The following SETD2 variants were observed in gnomAD, a reference collection of about 807,000 sequenced individuals.
SETD2 encodes the protein histone-lysine N-methyltransferase SETD2.
SETD2 carries 31 observed loss-of-function variants against 242.1 expected under a neutral mutation model. The observed-to-expected ratio is 0.13, with a 90% CI of 0.10 to 0.17. The LOEUF is 0.17. Among genes scored for constraint, SETD2 ranks in the 10% least tolerant of loss-of-function variants. The probability of loss-of-function intolerance (pLI) is 1.00; values close to 1 mark genes in which losing one functional copy is unlikely to be tolerated. For missense variants in SETD2, 2,481 were observed against 3,046.3 expected (o/e 0.81, Z 4.37); for synonymous variants, 1,006 against 1,066.5 (o/e 0.94, Z 1.11).
chr3:47,023,577 A>G (rs2038336939), intron 18 of SETD2, among the ~76,000 whole-genome samples: 1 of 152,208 alleles, frequency 6.6e-6, no homozygotes, highest in African/African-American at 2.4e-5. Flanking sequence ...TCAATTTTTA[A>G]AAGGTTAAGA....
At chr3:47,019,233 G>C (rs1027148232) in intron 19 of SETD2, among the ~76,000 whole-genome samples, 1 of 152,228 alleles carries the variant, frequency 6.6e-6, no homozygotes, top group Non-Finnish European at 1.5e-5. Context: ...CTTTGAGCCA[G>C]AACGCCTGAG....
At chr3:47,117,844 G>A (rs1256844092) in intron 3 of SETD2, among the ~76,000 whole-genome samples, 1 of 152,124 alleles carries the variant, frequency 6.6e-6, no homozygotes, top group Non-Finnish European at 1.5e-5. Context: ...ATTATTTATT[G>A]GCCTTTTTGC....
At chr3:47,141,857 A>G (rs2043737258) in intron 1 of SETD2, among the ~76,000 whole-genome samples, 1 of 152,090 alleles carries the variant, frequency 6.6e-6, no homozygotes, top group Non-Finnish European at 1.5e-5. Context: ...TTTGGTAAAG[A>G]GTTTAAGCAT....
At chr3:47,073,007 G>T (rs1414157422) in intron 12 of SETD2, among the ~76,000 whole-genome samples, 2 of 151,472 alleles carry the variant, frequency 1.3e-5, no homozygotes, top group African/African-American at 4.9e-5. Flanking sequence ...AAAATTACCT[G>T]GGCATGGCAG....
At chr3:47,029,287 G>A (rs1351360670) in intron 18 of SETD2, among the ~76,000 whole-genome samples, 1 of 150,974 alleles carries the variant, frequency 6.6e-6, no homozygotes, top group Non-Finnish European at 1.5e-5. Context: ...CAAACTCCTG[G>A]GCTTGAGGGA....
chr3:47,160,926 T>C (rs113909885), intron 1 of SETD2, among the ~76,000 whole-genome samples: 1,536 of 152,322 alleles, frequency 0.01, 16 homozygotes, highest in Non-Finnish European at 0.014. Flanking sequence ...ATGTCCTCTA[T>C]GCTGCTGAAT....
Position 47,016,961 on chromosome 3 carries a change from G to T in SETD2, c.*132C>A. Reference sequence around the variant, plus strand: ...TGTGGCCTTCAGTTGACATCTGCAGGGTTGAATTCCCCAGGGTGATGTATC... The same window carrying T: ...TGTGGCCTTCAGTTGACATCTGCAGTGTTGAATTCCCCAGGGTGATGTATC... On this transcript the variant is annotated 3_prime_UTR_variant, in exon 21 of 21. Transcript: ENST00000409792. 1.2e-6 allele frequency: 1 copy of T among 857,198 alleles called. No individual in the cohort carries two copies. Among genetic ancestry groups the T allele is most frequent in the Non-Finnish European group, 1.8e-6 (1 of 541,306 alleles). The allele number at this position is 857,198 out of a possible 1,614,324, so 53.1% of individuals were successfully genotyped here. A position where few individuals can be genotyped will look rare whatever the true frequency, so the allele number is the denominator to read the frequency against.
chr3:47,153,938 T>G (rs556413682), intron 1 of SETD2, among the ~76,000 whole-genome samples: 5 of 152,086 alleles, frequency 3.3e-5, no homozygotes, highest in Non-Finnish European at 7.4e-5. Flanking sequence ...AACACCATCA[T>G]AACCAGAAAA....
At chr3:47,082,051 T>C (rs2041337573) in intron 12 of SETD2, among the ~76,000 whole-genome samples, 1 of 152,160 alleles carries the variant, frequency 6.6e-6, no homozygotes, top group Admixed American at 6.5e-5. Context: ...AGAAATAATT[T>C]TGTAGGACTC....
intron 5 of SETD2, among the ~76,000 whole-genome samples, chr3:47,110,697 T>C (rs1482570191): frequency 6.6e-6 from 1 of 152,120 alleles, no homozygotes; most frequent in Non-Finnish European, 1.5e-5. Flanking sequence ...GTTTATGAAA[T>C]TCATAAACTA....
At chr3:47,101,585 T>C (rs762295122) in intron 7 of SETD2, 30 bp from the exon 8 acceptor site, 7 of 1,256,470 alleles carry the variant, frequency 5.6e-6, no homozygotes, top group Admixed American at 1.7e-5. Context: ...CAAAAGAAAT[T>C]AGTAACTTAT....
chr3:47,143,394 T>C (rs2043780626), intron 1 of SETD2, among the ~76,000 whole-genome samples: 1 of 152,204 alleles, frequency 6.6e-6, no homozygotes, highest in African/African-American at 2.4e-5. Context: ...ATTCCAAATA[T>C]TTAAATCCAC....
intron 1 of SETD2, among the ~76,000 whole-genome samples, chr3:47,155,584 G>C (rs1023321334): frequency 3.9e-5 from 6 of 152,164 alleles, no homozygotes; most frequent in African/African-American, 1.4e-4. Context: ...AGACTGAGGT[G>C]GGTGGATCAC....
chr3:47,089,188 G>A (rs541359138), intron 9 of SETD2, among the ~76,000 whole-genome samples: 15 of 152,320 alleles, frequency 9.8e-5, no homozygotes, highest in African/African-American at 3.4e-4. Flanking sequence ...GCTCACACTT[G>A]TAATCTCAGC....
At chr3:47,160,115 C>T (rs1182905336) in intron 1 of SETD2, among the ~76,000 whole-genome samples, 1 of 152,058 alleles carries the variant, frequency 6.6e-6, no homozygotes, top group East Asian at 1.9e-4. Context: ...TATTGAAATG[C>T]CTTCACCCCA....
intron 5 of SETD2, among the ~76,000 whole-genome samples, chr3:47,113,550 G>T (rs2042738205): frequency 6.6e-6 from 1 of 151,996 alleles, no homozygotes. Context: ...AAAATGAAGT[G>T]AAGCCCAGGC....
At chr3:47,107,728 G>GT (rs2042488042) in intron 5 of SETD2, among the ~76,000 whole-genome samples, 3 of 18,396 alleles carry the variant, frequency 1.6e-4, no homozygotes, top group African/African-American at 3.2e-4. Flanking sequence ...GGCGGGGGGG[G>GT]GTGGGGGGGG....
At chr3:47,160,698 T>C (rs576500309) in intron 1 of SETD2, among the ~76,000 whole-genome samples, 1 of 152,210 alleles carries the variant, frequency 6.6e-6, no homozygotes, top group Non-Finnish European at 1.5e-5. Context: ...TTACCCTTAG[T>C]GTGCCTATGT....
At chr3:47,107,544 G>A (rs1249089397) in intron 5 of SETD2, among the ~76,000 whole-genome samples, 1 of 152,036 alleles carries the variant, frequency 6.6e-6, no homozygotes, top group Admixed American at 6.6e-5. Flanking sequence ...GGTAAACCTA[G>A]AAAGTCAAAT....
Sources: gnomAD v4.1 joint callset for allele counts (sites outside exome capture counted in the v4.1 genomes callset) on GRCh38, gnomAD v4.1.1 for gene constraint, MANE v1.5 for transcripts, NCBI Gene and HGNC (gene_info 2026-07-23, HGNC 2026-07-21) for gene names.